Variants in FUT8 observed in about 807,000 individuals in gnomAD.
The protein encoded by FUT8 is alpha-(1,6)-fucosyltransferase.
In FUT8, 29 loss-of-function variants were observed where a neutral mutation model predicts 71.3. That is an observed-to-expected ratio of 0.41 (90% CI 0.30 to 0.55). The LOEUF (loss-of-function observed/expected upper bound fraction) is 0.55, where lower values mean the gene tolerates loss of function less well. Among genes scored for constraint, FUT8 ranks in the 20% least tolerant of loss-of-function variants. The probability of loss-of-function intolerance (pLI) is 0.34; values close to 1 mark genes in which losing one functional copy is unlikely to be tolerated. For missense variants in FUT8, 544 were observed against 702.1 expected (o/e 0.77, Z 2.55); for synonymous variants, 254 against 239.3 (o/e 1.06, Z -0.57).
At chr14:65,473,601 G>A (rs1035128493) in intron 2 of FUT8, among the ~76,000 whole-genome samples, 1 of 152,192 alleles carries the variant, frequency 6.6e-6, no homozygotes, top group East Asian at 1.9e-4. Context: ...TACTTAGGAT[G>A]TAAATTGACT....
At chr14:65,521,535 T>C (rs1470200346) in intron 2 of FUT8, among the ~76,000 whole-genome samples, 2 of 152,156 alleles carry the variant, frequency 1.3e-5, no homozygotes, top group African/African-American at 4.8e-5. Flanking sequence ...AAGAAGGTGA[T>C]AGTTGAGTGA....
intron 2 of FUT8, among the ~76,000 whole-genome samples, chr14:65,471,375 G>C (rs2139635300): frequency 6.6e-6 from 1 of 152,080 alleles, no homozygotes; most frequent in Admixed American, 6.5e-5. Flanking sequence ...TACCTTTTAA[G>C]AGAAATAAAG....
At chr14:65,426,568 T>G (rs943635541) in intron 1 of FUT8, among the ~76,000 whole-genome samples, 1 of 152,170 alleles carries the variant, frequency 6.6e-6, no homozygotes, top group Non-Finnish European at 1.5e-5. Flanking sequence ...TTTAACAAAG[T>G]CTGTATGGAA....
intron 5 of FUT8, among the ~76,000 whole-genome samples, chr14:65,623,005 C>T (rs1439962715): frequency 6.6e-6 from 1 of 151,236 alleles, no homozygotes; most frequent in African/African-American, 2.4e-5. Flanking sequence ...ATCCTCCTGC[C>T]TCAGCCTCCC....
At chr14:65,526,777 G>A (rs2139888616) in intron 2 of FUT8, among the ~76,000 whole-genome samples, 1 of 152,234 alleles carries the variant, frequency 6.6e-6, no homozygotes, top group African/African-American at 2.4e-5. Flanking sequence ...GAATCTCTCA[G>A]CATTTGCTTG....
chr14:65,617,172 A>G (rs1804645214), intron 5 of FUT8: 13 of 1,576,848 alleles, frequency 8.2e-6, no homozygotes, highest in Non-Finnish European at 1.1e-5. Flanking sequence ...TGTGAAGAGG[A>G]AAAGAATTAC....
intron 7 of FUT8, among the ~76,000 whole-genome samples, chr14:65,674,890 C>A (rs1345915399): frequency 6.6e-6 from 1 of 152,166 alleles, no homozygotes; most frequent in African/African-American, 2.4e-5. Context: ...TAGTAGGTTT[C>A]TCTGCCCTTT....
intron 3 of FUT8, among the ~76,000 whole-genome samples, chr14:65,611,275 ACACACACACACACACACACACACACACCC>A (rs1566851423): frequency 1.1e-4 from 6 of 56,640 alleles, no homozygotes; most frequent in Non-Finnish European, 9.6e-5. Flanking sequence ...ACACACACAC[ACACACACACACACACACACACACACACCC>A]CCCAAGTAAT....
At chr14:65,619,884 G>T (rs1566857129) in intron 5 of FUT8, among the ~76,000 whole-genome samples, 1 of 152,150 alleles carries the variant, frequency 6.6e-6, no homozygotes, top group Non-Finnish European at 1.5e-5. Context: ...GAATTAAGCG[G>T]TTTAGAGTTA....
At chr14:65,405,663 A>G (rs969702860), upstream of FUT8, among the ~76,000 whole-genome samples, 1 of 152,254 alleles carries the variant, frequency 6.6e-6, no homozygotes, top group African/African-American at 2.4e-5. Context: ...AGAGGAGCCT[A>G]AGCAGAAGAA....
At chr14:65,630,401 T>C (rs972833398) in intron 6 of FUT8, among the ~76,000 whole-genome samples, 2 of 152,182 alleles carry the variant, frequency 1.3e-5, no homozygotes, top group Non-Finnish European at 2.9e-5. Flanking sequence ...AGAAAATAAT[T>C]TATTTTTGAT....
At chr14:65,697,725 C>T (rs985315939) in intron 7 of FUT8, among the ~76,000 whole-genome samples, 1 of 152,190 alleles carries the variant, frequency 6.6e-6, no homozygotes. Context: ...AGGTGGATCA[C>T]CTGCGGTCAG....
intron 2 of FUT8, among the ~76,000 whole-genome samples, chr14:65,497,783 T>C (rs565509776): frequency 8.3e-4 from 126 of 152,166 alleles, no homozygotes; most frequent in Admixed American, 1.9e-3. Context: ...TCAAACAAAA[T>C]GATTGTTGAG....
At chr14:65,530,813 T>TTC (rs137867790) in intron 2 of FUT8, among the ~76,000 whole-genome samples, 20 of 142,544 alleles carry the variant, frequency 1.4e-4, no homozygotes, top group East Asian at 4.4e-4. Context: ...CTCTCGCTCT[T>TTC]TCTCTCTCTC....
chr14:65,445,819 G>A (rs913579495), intron 1 of FUT8, among the ~76,000 whole-genome samples: 2 of 152,208 alleles, frequency 1.3e-5, no homozygotes, highest in Non-Finnish European at 2.9e-5. Flanking sequence ...AGTAGAAACA[G>A]AGTCTCACTA....
intron 3 of FUT8, among the ~76,000 whole-genome samples, chr14:65,587,841 A>T (rs909130394): frequency 2.0e-5 from 3 of 152,208 alleles, no homozygotes; most frequent in Admixed American, 6.5e-5. Flanking sequence ...ATTCTGTAAC[A>T]TTTGATGATA....
intron 2 of FUT8, among the ~76,000 whole-genome samples, chr14:65,536,137 C>T (rs184373204): frequency 6.7e-4 from 102 of 152,080 alleles, no homozygotes; most frequent in Middle Eastern, 6.8e-3. Context: ...TTTTAGCCTA[C>T]GGGTGTCATT....
Position 65,545,434 on chromosome 14 carries a change from C to G in FUT8, c.-227-15903C>G, listed in dbSNP as rs558395312. On this transcript the variant is annotated intron_variant, in intron 2 of 10. Coordinates refer to ENST00000673929, the MANE Select transcript of FUT8 (RefSeq NM_001371533.1). ...AAGTTTTATTTATAATTCTCTTTAT[C>G]AACTTGAAAAATTTTTGTTTTCTAG... Among the ~76,000 whole-genome samples, 6 of 151,804 alleles carry G rather than the reference C, an allele frequency of 4.0e-5. No individual in the cohort carries two copies. In the South Asian group the frequency reaches 1.0e-3, roughly 26 times the overall value.
chr14:65,708,336 C>G (rs1277842819), intron 7 of FUT8, among the ~76,000 whole-genome samples: 1 of 152,198 alleles, frequency 6.6e-6, no homozygotes, highest in Non-Finnish European at 1.5e-5. Flanking sequence ...GCCTCCCCAG[C>G]CATGCTGAAC....
Sources: gnomAD v4.1 joint callset for allele counts (sites outside exome capture counted in the v4.1 genomes callset) on GRCh38, gnomAD v4.1.1 for gene constraint, MANE v1.5 for transcripts, NCBI Gene and HGNC (gene_info 2026-07-23, HGNC 2026-07-21) for gene names.